The following RUNX2 variants were observed in gnomAD, a reference collection of about 807,000 sequenced individuals.
RUNX2 encodes runt-related transcription factor 2.
RUNX2 carries 10 observed loss-of-function variants against 51.7 expected under a neutral mutation model. That is an observed-to-expected ratio of 0.19 (90% CI 0.12 to 0.33). RUNX2 has a LOEUF of 0.33. Among genes scored for constraint, RUNX2 ranks in the 10% least tolerant of loss-of-function variants. The pLI is 1.00. For synonymous variants in RUNX2, 276 were observed against 273.6 expected, an observed-to-expected ratio of 1.01 and a Z score of -0.09; for missense variants, 562 against 691.3, an observed-to-expected ratio of 0.81 and a Z score of 2.10.
intron 2 of RUNX2, among the ~76,000 whole-genome samples, chr6:45,409,921 T>A (rs1212944684): frequency 6.6e-6 from 1 of 152,172 alleles, no homozygotes; most frequent in African/African-American, 2.4e-5. Flanking sequence ...AGGTGATGAG[T>A]GCAATAATGG....
chr6:45,525,556 C>G (rs1409476080), intron 7 of RUNX2, among the ~76,000 whole-genome samples: 2 of 152,136 alleles, frequency 1.3e-5, no homozygotes, highest in Non-Finnish European at 2.9e-5. Context: ...TTCTGTAGGT[C>G]TTAGTTTCTT....
intron 2 of RUNX2, among the ~76,000 whole-genome samples, chr6:45,341,074 C>G (rs1390044023): frequency 6.6e-6 from 1 of 151,842 alleles, no homozygotes; most frequent in Non-Finnish European, 1.5e-5. Context: ...CTGTGCCTAC[C>G]AAAAAAATAC....
chr6:45,494,035 G>A (rs1800566648), intron 6 of RUNX2, among the ~76,000 whole-genome samples: 1 of 152,176 alleles, frequency 6.6e-6, no homozygotes, highest in South Asian at 2.1e-4. Flanking sequence ...ATCTAAAGAT[G>A]AGATCATAAA....
At chr6:45,494,873 G>C (rs1344229736) in intron 6 of RUNX2, among the ~76,000 whole-genome samples, 5 of 152,224 alleles carry the variant, frequency 3.3e-5, no homozygotes, top group African/African-American at 9.6e-5. Context: ...GGAGAGAGAA[G>C]AAAAGCGCTG....
At chr6:45,537,174 T>C (rs1325344653) in intron 7 of RUNX2, among the ~76,000 whole-genome samples, 1 of 152,160 alleles carries the variant, frequency 6.6e-6, no homozygotes, top group Non-Finnish European at 1.5e-5. Flanking sequence ...ACACCAGTGG[T>C]AAAGACAATA....
At chr6:45,404,281 G>A (rs797018898) in intron 2 of RUNX2, among the ~76,000 whole-genome samples, 2,240 of 73,072 alleles carry the variant, frequency 0.031, 20 homozygotes, top group Middle Eastern at 0.048. Context: ...AAAAGAAAAA[G>A]AAAAAAGAAA....
chr6:45,535,603 CAA>C (rs36036147), intron 7 of RUNX2, among the ~76,000 whole-genome samples: 227 of 135,170 alleles, frequency 1.7e-3, no homozygotes, highest in African/African-American at 4.8e-3. Context: ...GACTCTGTCT[CAA>C]AAAAAAAAAA....
At chr6:45,454,994 G>A (rs1406271557) in intron 5 of RUNX2, among the ~76,000 whole-genome samples, 2 of 152,154 alleles carry the variant, frequency 1.3e-5, no homozygotes, top group African/African-American at 4.8e-5. Context: ...GGCGACTGTA[G>A]TCCCAACTAC....
At chr6:45,423,015 T>TG (rs1798266170) in intron 3 of RUNX2, 58 bp downstream of exon 3, 1 of 1,585,174 alleles carries the variant, frequency 6.3e-7, no homozygotes, top group Non-Finnish European at 8.5e-7. Flanking sequence ...TGCCCGCCGG[T>TG]GTCTTCCTGC....
At chr6:45,374,246 C>T (rs536138741) in intron 2 of RUNX2, among the ~76,000 whole-genome samples, 1 of 152,272 alleles carries the variant, frequency 6.6e-6, no homozygotes, top group East Asian at 1.9e-4. Context: ...TTCACCAACC[C>T]ACATAACATC....
intron 2 of RUNX2, among the ~76,000 whole-genome samples, chr6:45,365,511 C>CAATT (rs1193669247): frequency 6.6e-6 from 1 of 151,216 alleles, no homozygotes; most frequent in East Asian, 1.9e-4. Flanking sequence ...AGATGTCAGC[C>CAATT]AATTACTCAC....
chr6:45,510,364 A>G (rs1582189338), intron 6 of RUNX2, among the ~76,000 whole-genome samples: 1 of 152,350 alleles, frequency 6.6e-6, no homozygotes, highest in South Asian at 2.1e-4. Flanking sequence ...GTATATGTCA[A>G]TGTCAGTAAA....
chr6:45,537,683 A>G (rs1802081002), intron 7 of RUNX2, among the ~76,000 whole-genome samples: 1 of 152,170 alleles, frequency 6.6e-6, no homozygotes, highest in African/African-American at 2.4e-5. Flanking sequence ...GTTAGGGAAA[A>G]GCGACTGACT....
chr6:45,523,993 C>T (rs1003801607), intron 7 of RUNX2, among the ~76,000 whole-genome samples: 3 of 151,966 alleles, frequency 2.0e-5, no homozygotes, highest in African/African-American at 7.2e-5. Flanking sequence ...AAGCTTTTTT[C>T]TAATTAAAAT....
At position 45,549,473 on chromosome 6, in the gene RUNX2, A is replaced by C. The variant is rs183868596; in HGVS notation, c.*2168A>C. ...CTTTGCCTTCTAAAGGCCGTATACC[A>C]AGTATGCTTAGATAAATAAGCCACT... On this transcript the variant is annotated 3_prime_UTR_variant, in exon 9 of 9. Transcript: ENST00000647337. 5.0e-6 allele frequency: 2 copies of C among 397,872 alleles called. No homozygotes were observed. The highest frequency in any genetic ancestry group is 4.1e-5 in the African/African-American group (2 of 48,640). The allele number at this position is 397,872 out of a possible 1,614,324, so 24.6% of individuals were successfully genotyped here.
At chr6:45,356,080 TAG>T (rs1237733990) in intron 2 of RUNX2, among the ~76,000 whole-genome samples, 1 of 152,150 alleles carries the variant, frequency 6.6e-6, no homozygotes, top group Non-Finnish European at 1.5e-5. Context: ...TCAAAGATAA[TAG>T]ATTCTCACTC....
intron 5 of RUNX2, among the ~76,000 whole-genome samples, chr6:45,438,772 AC>A (rs1798761733): frequency 1.3e-5 from 2 of 150,370 alleles, no homozygotes; most frequent in Admixed American, 1.3e-4. Context: ...TGCTTCCCCC[AC>A]CCCCACCAAA....
At chr6:45,443,533 G>A (rs573755866) in intron 5 of RUNX2, among the ~76,000 whole-genome samples, 74 of 152,330 alleles carry the variant, frequency 4.9e-4, no homozygotes, top group African/African-American at 1.7e-3. Flanking sequence ...TGCTTAGCTG[G>A]CAGTTGTCAT....
intron 5 of RUNX2, among the ~76,000 whole-genome samples, chr6:45,485,037 A>G (rs774914752): frequency 1.3e-5 from 2 of 152,306 alleles, no homozygotes; most frequent in Non-Finnish European, 2.9e-5. Context: ...ACTTTATTCA[A>G]TCACATACTT....
Sources: allele counts gnomAD v4.1 joint callset (sites outside exome capture counted in the v4.1 genomes callset), GRCh38; gene constraint gnomAD v4.1.1; transcripts MANE v1.5; gene names NCBI Gene and HGNC (gene_info 2026-07-23, HGNC 2026-07-21).